The following SLC35F1 variants were observed in gnomAD, a reference collection of about 807,000 sequenced individuals.
SLC35F1 encodes the protein chromosome 6 open reading frame 169.
Under a neutral mutation model 48.7 loss-of-function variants are expected in SLC35F1, and 14 were observed. That is an observed-to-expected ratio of 0.29 (90% confidence interval 0.19 to 0.45). SLC35F1 has a LOEUF of 0.45. Ranked by LOEUF, SLC35F1 falls within the 20% of genes least tolerant of loss-of-function variation. The pLI, the probability that SLC35F1 is intolerant of heterozygous loss-of-function variation, is 1.00. For missense variants in SLC35F1, 404 were observed against 500.0 expected (o/e 0.81, Z 1.83); for synonymous variants, 190 against 202.2 (o/e 0.94, Z 0.51).
At chr6:118,059,526 T>C (rs1005214938) in intron 1 of SLC35F1, among the ~76,000 whole-genome samples, 4 of 152,214 alleles carry the variant, frequency 2.6e-5, no homozygotes, top group Non-Finnish European at 5.9e-5. Flanking sequence ...TAACAAACAA[T>C]TCCAAAACCT....
At position 118,130,396 on chromosome 6, in the gene SLC35F1, G is replaced by A. The variant is rs187565071; in HGVS notation, c.174-24049G>A. Among the ~76,000 whole-genome samples, 118 of 152,200 alleles carry A rather than the reference G, an allele frequency of 7.8e-4. 1 individual carries two copies. The South Asian group carries it at 7.9e-3, about 10-fold the overall frequency. On this transcript the variant is annotated intron_variant, in intron 1 of 7. Transcript: ENST00000360388. Reference sequence around the variant, plus strand: ...CAAGTAAAAAAAACTGGTTTACTTCGGGAGGCAAAGCTTGCAGTGAGCGGA... The same window carrying A: ...CAAGTAAAAAAAACTGGTTTACTTCAGGAGGCAAAGCTTGCAGTGAGCGGA...
At chr6:118,287,013 CA>C (rs1357849123) in intron 7 of SLC35F1, among the ~76,000 whole-genome samples, 1 of 152,144 alleles carries the variant, frequency 6.6e-6, no homozygotes, top group African/African-American at 2.4e-5. Flanking sequence ...AATACAGTGG[CA>C]AAACCGAGAG....
intron 1 of SLC35F1, among the ~76,000 whole-genome samples, chr6:118,069,362 G>C (rs574487112): frequency 2.0e-5 from 3 of 152,232 alleles, no homozygotes; most frequent in African/African-American, 7.2e-5. Context: ...GGACATCCTT[G>C]AAGTTTTTAA....
At chr6:118,271,701 T>G (rs1001589063) in intron 4 of SLC35F1, among the ~76,000 whole-genome samples, 4 of 152,178 alleles carry the variant, frequency 2.6e-5, no homozygotes, top group Non-Finnish European at 4.4e-5. Flanking sequence ...TTTCTAGTAC[T>G]TAAACAAAAA....
chr6:117,962,226 CCTGT>C (rs772500900), intron 1 of SLC35F1, among the ~76,000 whole-genome samples: 5 of 152,180 alleles, frequency 3.3e-5, no homozygotes, highest in Admixed American at 6.5e-5. Context: ...CCTTTCCCAT[CCTGT>C]CTATCAGCCT....
At chr6:117,922,547 C>G (rs1775913315) in intron 1 of SLC35F1, among the ~76,000 whole-genome samples, 3 of 152,126 alleles carry the variant, frequency 2.0e-5, no homozygotes, top group Admixed American at 2.0e-4. Flanking sequence ...TGCAATTTTG[C>G]TACATCGTTA....
intron 1 of SLC35F1, among the ~76,000 whole-genome samples, chr6:117,991,303 C>T (rs2114857888): frequency 6.6e-6 from 1 of 151,956 alleles, no homozygotes; most frequent in East Asian, 1.9e-4. Flanking sequence ...AAAAAAAATA[C>T]TGCCTCTGCT....
chr6:118,125,818 T>C (rs918186423), intron 1 of SLC35F1, among the ~76,000 whole-genome samples: 19 of 152,316 alleles, frequency 1.2e-4, no homozygotes, highest in African/African-American at 1.7e-4. Context: ...TGTGACCTCA[T>C]TGATACCATT....
At chr6:118,086,029 A>G (rs528297683) in intron 1 of SLC35F1, among the ~76,000 whole-genome samples, 16 of 152,200 alleles carry the variant, frequency 1.1e-4, no homozygotes, top group Non-Finnish European at 2.1e-4. Flanking sequence ...AAAATTCTCC[A>G]ACACTTCCTA....
At chr6:118,222,792 C>A (rs1775167965) in intron 2 of SLC35F1, among the ~76,000 whole-genome samples, 1 of 152,196 alleles carries the variant, frequency 6.6e-6, no homozygotes, top group South Asian at 2.1e-4. Flanking sequence ...TTGTTACCTT[C>A]ATGTGAAAGA....
At chr6:118,155,197 A>G (rs568208638) in intron 2 of SLC35F1, among the ~76,000 whole-genome samples, 117 of 152,294 alleles carry the variant, frequency 7.7e-4, no homozygotes, top group African/African-American at 2.7e-3. Flanking sequence ...CCTTTTTTTA[A>G]GGGGCAGTTG....
intron 4 of SLC35F1, 123 bp from the exon 5 acceptor site, chr6:118,275,336 G>T: frequency 9.6e-7 from 1 of 1,038,388 alleles, no homozygotes. Flanking sequence ...GTTGGAAATT[G>T]CATGACTTCT....
intron 2 of SLC35F1, among the ~76,000 whole-genome samples, chr6:118,202,599 A>C (rs1242974610): frequency 6.6e-6 from 1 of 152,248 alleles, no homozygotes; most frequent in Non-Finnish European, 1.5e-5. Flanking sequence ...ATGGTAGATA[A>C]GTTCATTGAG....
At chr6:118,109,401 C>T (rs933402805) in intron 1 of SLC35F1, among the ~76,000 whole-genome samples, 1 of 152,154 alleles carries the variant, frequency 6.6e-6, no homozygotes, top group Non-Finnish European at 1.5e-5. Flanking sequence ...CTTAATCACC[C>T]TTGCCTTTAT....
intron 1 of SLC35F1, among the ~76,000 whole-genome samples, chr6:118,122,459 C>T (rs916019934): frequency 2.0e-5 from 3 of 152,192 alleles, no homozygotes; most frequent in African/African-American, 7.2e-5. Context: ...ATTTTTCCTG[C>T]CACAGTATAA....
At position 118,123,416 on chromosome 6, in the gene SLC35F1, T is replaced by A. The variant is rs17079732; in HGVS notation, c.174-31029T>A. Among the ~76,000 whole-genome samples, 172 of 79,602 alleles carry A rather than the reference T, an allele frequency of 2.2e-3. 3 individuals are homozygous for A. The South Asian group carries it at 0.043, about 20-fold the overall frequency. 52.2% of individuals were successfully genotyped at this position (79,602 alleles called of 152,430 possible). A position where few individuals can be genotyped will look rare whatever the true frequency, so the allele number is the denominator to read the frequency against. Reference sequence around the variant, plus strand: ...TAAAAGGCCACTCTTAGAAATTCAATGCCAAATGATAGTTTTTTTTTTTTA... The same window carrying A: ...TAAAAGGCCACTCTTAGAAATTCAAAGCCAAATGATAGTTTTTTTTTTTTA... On this transcript the variant is annotated intron_variant, in intron 1 of 7. Transcript: ENST00000360388.
intron 2 of SLC35F1, among the ~76,000 whole-genome samples, chr6:118,205,170 G>A (rs1450790298): frequency 6.6e-6 from 1 of 152,200 alleles, no homozygotes; most frequent in African/African-American, 2.4e-5. Flanking sequence ...ATAGGACATT[G>A]CAAACCTGTG....
At chr6:118,065,510 C>T (rs1236485477) in intron 1 of SLC35F1, among the ~76,000 whole-genome samples, 2 of 152,248 alleles carry the variant, frequency 1.3e-5, no homozygotes, top group East Asian at 1.9e-4. Flanking sequence ...GATCATTACA[C>T]ATTGTATACA....
At chr6:118,154,160 C>A (rs1774104507) in intron 1 of SLC35F1, among the ~76,000 whole-genome samples, 1 of 152,088 alleles carries the variant, frequency 6.6e-6, no homozygotes, top group Admixed American at 6.6e-5. Context: ...TAGCTAGAAG[C>A]CAGGCTCTTT....
Sources: gnomAD v4.1 joint callset for allele counts (sites outside exome capture counted in the v4.1 genomes callset) on GRCh38, gnomAD v4.1.1 for gene constraint, MANE v1.5 for transcripts, NCBI Gene and HGNC (gene_info 2026-07-23, HGNC 2026-07-21) for gene names.